The following IGF2BP3 variants were observed in gnomAD, a reference collection of about 807,000 sequenced individuals.
IGF2BP3 encodes the protein insulin-like growth factor 2 mRNA-binding protein 3.
In IGF2BP3, 9 loss-of-function variants were observed where a neutral mutation model predicts 73.8. The observed-to-expected ratio is 0.12, with a 90% CI of 0.07 to 0.21. The LOEUF is 0.21. Among genes scored for constraint, IGF2BP3 ranks in the 10% least tolerant of loss-of-function variants. The probability of loss-of-function intolerance (pLI) is 1.00; values close to 1 mark genes in which losing one functional copy is unlikely to be tolerated. For synonymous variants in IGF2BP3, 258 were observed against 256.7 expected (o/e 1.01, Z -0.05); for missense variants, 542 against 714.0 (o/e 0.76, Z 2.75).
intron 5 of IGF2BP3, among the ~76,000 whole-genome samples, chr7:23,352,819 A>G (rs1021411568): frequency 3.3e-5 from 5 of 152,148 alleles, no homozygotes; most frequent in Non-Finnish European, 7.4e-5. Context: ...TTTTATGTAA[A>G]TATATATGAG....
At chr7:23,341,475 GAAC>G (rs1784710929) in intron 10 of IGF2BP3, among the ~76,000 whole-genome samples, 2 of 152,328 alleles carry the variant, frequency 1.3e-5, no homozygotes, top group African/African-American at 4.8e-5. Context: ...AGATCAGCCT[GAAC>G]AACATGGCGA....
intron 3 of IGF2BP3, among the ~76,000 whole-genome samples, chr7:23,384,559 C>A (rs910706498): frequency 5.3e-5 from 8 of 152,188 alleles, no homozygotes; most frequent in Non-Finnish European, 7.4e-5. Context: ...ATTATGCAGC[C>A]CTTTAAAAAG....
At chr7:23,363,001 T>C (rs1354546086) in intron 3 of IGF2BP3, among the ~76,000 whole-genome samples, 2 of 151,510 alleles carry the variant, frequency 1.3e-5, no homozygotes, top group African/African-American at 4.8e-5. Context: ...GGGATCCTCC[T>C]GCCCTGGCCT....
At chr7:23,466,308 C>T (rs985054487) in intron 2 of IGF2BP3, among the ~76,000 whole-genome samples, 2 of 152,204 alleles carry the variant, frequency 1.3e-5, no homozygotes, top group Non-Finnish European at 2.9e-5. Context: ...CAGGCGTGAG[C>T]CACTGCGCCC....
At chr7:23,424,399 G>A (rs528258691) in intron 2 of IGF2BP3, among the ~76,000 whole-genome samples, 3 of 152,092 alleles carry the variant, frequency 2.0e-5, no homozygotes, top group African/African-American at 7.2e-5. Context: ...TCGGGAGGCT[G>A]AGGCAGGAGA....
At chr7:23,459,471 A>G (rs1290691715) in intron 2 of IGF2BP3, among the ~76,000 whole-genome samples, 1 of 152,216 alleles carries the variant, frequency 6.6e-6, no homozygotes, top group Non-Finnish European at 1.5e-5. Flanking sequence ...CATGATATCC[A>G]TAAACGTTTT....
chr7:23,440,335 C>A (rs1396240939), intron 2 of IGF2BP3, among the ~76,000 whole-genome samples: 2 of 151,630 alleles, frequency 1.3e-5, no homozygotes, highest in African/African-American at 2.4e-5. Context: ...ACTGCAGAGG[C>A]CAAGACAGGA....
chr7:23,408,211 T>C (rs1232966009), intron 3 of IGF2BP3, among the ~76,000 whole-genome samples: 2 of 150,362 alleles, frequency 1.3e-5, no homozygotes, highest in African/African-American at 4.9e-5. Context: ...ATGTCAACTC[T>C]CATTGGAGGT....
chr7:23,342,369 G>A (rs991022017), intron 9 of IGF2BP3, among the ~76,000 whole-genome samples, 180 bp from the exon 10 acceptor site: 1 of 152,068 alleles, frequency 6.6e-6, no homozygotes, highest in African/African-American at 2.4e-5. Flanking sequence ...TATATCCCTT[G>A]GTATTTTAAA....
At chr7:23,398,038 A>G (rs11973899) in intron 3 of IGF2BP3, among the ~76,000 whole-genome samples, 1,667 of 151,094 alleles carry the variant, frequency 0.011, 29 homozygotes, top group African/African-American at 0.038. Context: ...ACCATTAGGT[A>G]TATCTCCAAA....
chr7:23,336,647 T>C (rs947927827), intron 10 of IGF2BP3, among the ~76,000 whole-genome samples: 1 of 152,102 alleles, frequency 6.6e-6, no homozygotes, highest in Non-Finnish European at 1.5e-5. Flanking sequence ...TTTGGCTTCA[T>C]TTTTCTTGCT....
In IGF2BP3 at chr7:23,337,210, A is replaced by G. The variant is rs538413846; in HGVS notation, c.1203+4854T>C. ...GTTATATACTCAAACAACACTTGTT[A>G]AAGAATTGTTCCCCTGAACATTAAG... On this transcript the variant is annotated intron_variant, in intron 10 of 14. Transcript: ENST00000258729. 3.3e-4 allele frequency among the ~76,000 whole-genome samples: 50 copies of G among 152,288 alleles called. 1 individual carries two copies. Among genetic ancestry groups the G allele is most frequent in the South Asian group, 1.5e-3 (7 of 4,816 alleles).
chr7:23,460,387 C>T (rs1788421236), intron 2 of IGF2BP3, among the ~76,000 whole-genome samples: 6 of 151,596 alleles, frequency 4.0e-5, no homozygotes, highest in Admixed American at 3.9e-4. Context: ...AAAAAATCAG[C>T]CAGGCATGGT....
rs185278832 is a variant in IGF2BP3, at chr7:23,393,283, C to T, written c.285+25493G>A. Among the ~76,000 whole-genome samples, 13 of 152,302 alleles carry T rather than the reference C, an allele frequency of 8.5e-5. No homozygotes were observed. The East Asian group carries it at 2.3e-3, about 27-fold the overall frequency. On this transcript the variant is annotated intron_variant, in intron 3 of 14. Coordinates refer to ENST00000258729, the MANE Select transcript of IGF2BP3 (RefSeq NM_006547.3). ...AGACAACTCGTTCACAAAAGCCTCC[C>T]TCCCATACATACCTTGTAACATGTA...
At position 23,354,590 on chromosome 7, in the gene IGF2BP3, T is replaced by G. The variant is rs572746707; in HGVS notation, c.402-3004A>C. ...ACGTCAGTTACCAGATGCTTCTATA[T>G]TCTAGAACCATCTAAATAGTCACAT... is the stretch of plus-strand genomic sequence containing the variant. On this transcript the variant is annotated intron_variant, in intron 5 of 14. Transcript: ENST00000258729. Among the ~76,000 whole-genome samples the G allele has an allele frequency of 4.7e-4, 72 of 152,336 alleles. 1 individual carries two copies. The highest frequency in any genetic ancestry group is 1.5e-3 in the African/African-American group (62 of 41,574).
chr7:23,396,162 G>C (rs566605943), intron 3 of IGF2BP3, among the ~76,000 whole-genome samples: 1 of 151,660 alleles, frequency 6.6e-6, no homozygotes, highest in East Asian at 1.9e-4. Context: ...CTGGGTCTTT[G>C]ATAACATGGG....
intron 10 of IGF2BP3, among the ~76,000 whole-genome samples, chr7:23,336,317 G>A (rs544687079): frequency 6.6e-6 from 1 of 152,268 alleles, no homozygotes; most frequent in East Asian, 1.9e-4. Flanking sequence ...ATCTTAGTAC[G>A]TAATCTGTGA....
At chr7:23,384,707 A>T (rs969055724) in intron 3 of IGF2BP3, among the ~76,000 whole-genome samples, 1 of 152,114 alleles carries the variant, frequency 6.6e-6, no homozygotes, top group East Asian at 1.9e-4. Context: ...CCTGGGCAAC[A>T]TGGCAAAACC....
chr7:23,322,086 T>C (rs113437574), intron 10 of IGF2BP3, among the ~76,000 whole-genome samples: 23,095 of 152,178 alleles, frequency 0.15, 4,491 homozygotes, highest in African/African-American at 0.45. Context: ...GTGACTTTGA[T>C]GAGCTGAGAG....
Sources: gnomAD v4.1 joint callset for allele counts (sites outside exome capture counted in the v4.1 genomes callset) on GRCh38, gnomAD v4.1.1 for gene constraint, MANE v1.5 for transcripts, NCBI Gene and HGNC (gene_info 2026-07-23, HGNC 2026-07-21) for gene names.